Variants in SCN1A observed in about 807,000 individuals in gnomAD.
SCN1A encodes sodium channel protein type 1 subunit alpha.
In SCN1A, 13 loss-of-function variants were observed where a neutral mutation model predicts 193.7. The observed-to-expected ratio is 0.07, with a 90% CI of 0.04 to 0.11. The LOEUF (loss-of-function observed/expected upper bound fraction) is 0.11, where lower values mean the gene tolerates loss of function less well. Ranked by LOEUF, SCN1A falls within the 10% of genes least tolerant of loss-of-function variation. The pLI is 1.00. For missense variants in SCN1A, 1,432 were observed against 2,451.1 expected, an observed-to-expected ratio of 0.58 and a Z score of 8.78; for synonymous variants, 781 against 843.6, an observed-to-expected ratio of 0.93 and a Z score of 1.29.
At chr2:166,087,353 C>T (rs933246378) in intron 2 of SCN1A, among the ~76,000 whole-genome samples, 2 of 152,020 alleles carry the variant, frequency 1.3e-5, no homozygotes, top group Admixed American at 1.3e-4. Context: ...ATAATCCCAG[C>T]TACTTGGGAG....
At chr2:166,125,615 T>C (rs1396578114) in intron 2 of SCN1A, among the ~76,000 whole-genome samples, 2 of 152,206 alleles carry the variant, frequency 1.3e-5, no homozygotes, top group Non-Finnish European at 2.9e-5. Context: ...TACAAGGAAC[T>C]AGAATGTTTC....
chr2:166,011,006 A>G (rs1018034222), intron 22 of SCN1A, among the ~76,000 whole-genome samples: 1 of 151,218 alleles, frequency 6.6e-6, no homozygotes, highest in African/African-American at 2.4e-5. Context: ...TTTAAATTAT[A>G]GTGTAAACAA....
chr2:166,071,869 C>A (rs1024469799), intron 4 of SCN1A: 1 of 150,538 alleles, frequency 6.6e-6, no homozygotes, highest in Non-Finnish European at 1.5e-5. Context: ...CAGTCTGGGC[C>A]ACAGAGCGAG....
In SCN1A at chr2:166,056,469, A is replaced by G; in HGVS notation, c.415T>C (p.Leu139=). Residue 139 remains leucine (L), a synonymous_variant, in exon 6 of 29, where the codon TTG becomes CTG. Transcript: ENST00000674923. ...ATTGTCATAAACACACAGTTTGTCA[A>G]AATAGTGCACATAATTAGCATGCTG... is the stretch of plus-strand genomic sequence containing the variant. ...LFSMLIMCTI[L]TNCVFMTMSN... is the part of the protein sequence containing the mutation. 6.2e-7 allele frequency: 1 copy of G among 1,607,414 alleles called. No homozygotes were observed. Among genetic ancestry groups the G allele is most frequent in the Non-Finnish European group, 8.5e-7 (1 of 1,174,080 alleles).
chr2:166,007,767 G>A (rs1439478584), intron 23 of SCN1A, among the ~76,000 whole-genome samples: 1 of 151,378 alleles, frequency 6.6e-6, no homozygotes, highest in Non-Finnish European at 1.5e-5. Context: ...CCTGAGTTAC[G>A]CTTTGACGCA....
At chr2:166,093,687 A>G (rs974940605) in intron 2 of SCN1A, among the ~76,000 whole-genome samples, 2 of 152,154 alleles carry the variant, frequency 1.3e-5, no homozygotes, top group African/African-American at 4.8e-5. Flanking sequence ...ACCCGCTTAA[A>G]TGTGCCTTTA....
At chr2:166,070,941 G>C (rs1684355296) in intron 4 of SCN1A, among the ~76,000 whole-genome samples, 1 of 152,164 alleles carries the variant, frequency 6.6e-6, no homozygotes, top group Non-Finnish European at 1.5e-5. Flanking sequence ...GATAGATGCT[G>C]GGTGGCTTTA....
At chr2:166,098,845 T>C (rs1427819409) in intron 2 of SCN1A, among the ~76,000 whole-genome samples, 1 of 152,086 alleles carries the variant, frequency 6.6e-6, no homozygotes, top group African/African-American at 2.4e-5. Context: ...GAAACACTGA[T>C]GAAAGAAATC....
intron 19 of SCN1A, among the ~76,000 whole-genome samples, chr2:166,033,680 G>C (rs890581518): frequency 6.6e-6 from 1 of 152,118 alleles, no homozygotes; most frequent in Non-Finnish European, 1.5e-5. Context: ...GAAAGAAACA[G>C]AACTACCTCT....
At chr2:166,052,010 C>G in intron 8 of SCN1A, 22 bp from the exon 9 acceptor site, 2 of 1,599,388 alleles carry the variant, frequency 1.3e-6, no homozygotes, top group East Asian at 2.2e-5. Flanking sequence ...AAGTCTATTA[C>G]TATGAAGACT....
intron 11 of SCN1A, 150 bp downstream of exon 11, chr2:166,047,477 A>G: frequency 3.5e-6 from 3 of 860,314 alleles, no homozygotes; most frequent in Non-Finnish European, 5.7e-6. Flanking sequence ...TCTGCTCAGT[A>G]TGTGTTATAA....
At chr2:166,115,284 A>G (rs1020950696) in intron 2 of SCN1A, among the ~76,000 whole-genome samples, 1 of 152,142 alleles carries the variant, frequency 6.6e-6, no homozygotes, top group East Asian at 1.9e-4. Flanking sequence ...GCTTGAACCC[A>G]GGAAGTGGAG....
chr2:166,070,433 C>T (rs909797886), intron 4 of SCN1A, among the ~76,000 whole-genome samples: 5 of 152,056 alleles, frequency 3.3e-5, no homozygotes, highest in Non-Finnish European at 7.4e-5. Flanking sequence ...GTGATTTGCT[C>T]CAAAATGCCA....
At chr2:166,090,589 C>G (rs1289110964) in intron 2 of SCN1A, among the ~76,000 whole-genome samples, 1 of 152,116 alleles carries the variant, frequency 6.6e-6, no homozygotes, top group Non-Finnish European at 1.5e-5. Context: ...CACTAGTCAC[C>G]AGGGTCTACA....
chr2:165,993,185 G>T (rs1689501791), intron 28 of SCN1A: 1 of 125,486 alleles, frequency 8.0e-6, no homozygotes, highest in African/African-American at 3.5e-5. Context: ...GTAAGAGTGT[G>T]TGTGTGTGTG....
chr2:166,047,052 G>A, intron 11 of SCN1A, 76 bp from the exon 12 acceptor site: 2 of 1,500,022 alleles, frequency 1.3e-6, no homozygotes, highest in Non-Finnish European at 1.8e-6. Flanking sequence ...ATTTACTCAT[G>A]TGTCTAGCAA....
At chr2:166,051,514 G>A (rs1310274448) in intron 9 of SCN1A, among the ~76,000 whole-genome samples, 1 of 151,684 alleles carries the variant, frequency 6.6e-6, no homozygotes, top group Non-Finnish European at 1.5e-5. Flanking sequence ...TATTTCATTA[G>A]TTTTAAATTT....
rs1263850696 is a variant in SCN1A, at chr2:165,991,330, C to G, written c.5945G>C (p.Cys1982Ser). 1.2e-6 allele frequency: 2 copies of G among 1,613,280 alleles called. No individual in the cohort carries two copies. The highest frequency in any genetic ancestry group is 2.7e-5 in the African/African-American group (2 of 74,772). Residue 1982 changes from cysteine (C) to serine (S), a missense_variant, in exon 29 of 29, where the codon TGT (cysteine) becomes TCT (serine). Physicochemically the swap from Cys to Ser is moderately radical, Grantham distance 112 (BLOSUM62 -1). Coordinates refer to ENST00000674923, the MANE Select transcript of SCN1A (RefSeq NM_001165963.4). Reference protein sequence around the residue: ...KTDLTMSTAACPPSYDRVTKP... With the variant: ...KTDLTMSTAASPPSYDRVTKP... ...TGTCACCCGGTCATAGGAAGGTGGA[C>G]AAGCTGCAGTGGACATGGTCAGATC...
At chr2:166,012,063 AAGAC>A (rs1197271010) in intron 22 of SCN1A, 42 bp downstream of exon 22, 4 of 1,560,328 alleles carry the variant, frequency 2.6e-6, no homozygotes, top group Non-Finnish European at 3.5e-6. Flanking sequence ...GAATATAAAT[AAGAC>A]AAGCTACCTT....
Sources: allele counts gnomAD v4.1 joint callset (sites outside exome capture counted in the v4.1 genomes callset), GRCh38; gene constraint gnomAD v4.1.1; transcripts MANE v1.5; gene names NCBI Gene and HGNC (gene_info 2026-07-23, HGNC 2026-07-21).